LARP4B: variants seen among roughly 807,000 people sequenced by gnomAD.
The protein encoded by LARP4B is la-related protein 4B.
In LARP4B, 12 loss-of-function variants were observed where a neutral mutation model predicts 89.8. The observed-to-expected ratio is 0.13, with a 90% confidence interval of 0.09 to 0.22. The LOEUF (loss-of-function observed/expected upper bound fraction) is 0.22, where lower values mean the gene tolerates loss of function less well. Ranked by LOEUF, LARP4B falls within the 10% of genes least tolerant of loss-of-function variation. The pLI is 1.00. For missense variants in LARP4B, 757 were observed against 947.7 expected (o/e 0.80, Z 2.64); for synonymous variants, 367 against 363.3 (o/e 1.01, Z -0.12).
At chr10:853,407 G>A (rs1014186335) in intron 5 of LARP4B, among the ~76,000 whole-genome samples, 16 of 152,208 alleles carry the variant, frequency 1.1e-4, no homozygotes, top group Non-Finnish European at 2.4e-4. Context: ...TTGCTGGCTG[G>A]GCATGCTGGC....
At chr10:892,019 C>T (rs538830391) in intron 1 of LARP4B, among the ~76,000 whole-genome samples, 1 of 152,300 alleles carries the variant, frequency 6.6e-6, no homozygotes, top group East Asian at 1.9e-4. Context: ...CAACTATTGC[C>T]TCCCGGCATG....
At chr10:813,334 T>G in intron 17 of LARP4B, 121 bp from the exon 18 acceptor site, 2 of 976,028 alleles carry the variant, frequency 2.0e-6, no homozygotes, top group South Asian at 3.6e-5. Flanking sequence ...TCTTCACTAG[T>G]GTTTTTAACT....
intron 1 of LARP4B, among the ~76,000 whole-genome samples, chr10:912,026 C>G (rs1399301405): frequency 6.6e-6 from 1 of 152,172 alleles, no homozygotes; most frequent in Non-Finnish European, 1.5e-5. Context: ...ATGGGCTGGT[C>G]ACAGTGGGCT....
At chr10:923,609 T>C (rs1837049206) in intron 1 of LARP4B, among the ~76,000 whole-genome samples, 1 of 151,098 alleles carries the variant, frequency 6.6e-6, no homozygotes, top group Non-Finnish European at 1.5e-5. Flanking sequence ...GAAATACAAA[T>C]ATGTAATCAA....
At position 829,454 on chromosome 10, in the gene LARP4B, C is replaced by A; in HGVS notation, c.1056G>T (p.Gln352His). ...YFPPMYSPQQ[Q>H]FPLYSLITPQ... ...GAGTGATCAGGCTGTACAGGGGGAA[C>A]TGCTGCTGGGGGCTGTACATGGGAG... Residue 352 changes from glutamine to histidine, a missense_variant, in exon 11 of 18, where the codon CAG becomes CAT. Coordinates refer to ENST00000316157, the MANE Select transcript of LARP4B (RefSeq NM_015155.3). 6.2e-7 allele frequency: 1 copy of A among 1,614,132 alleles called. No homozygotes were observed. The highest frequency in any genetic ancestry group is 8.5e-7 in the Non-Finnish European group (1 of 1,180,020).
rs1833474368 is a variant in LARP4B, at chr10:840,564, G to A, written c.646+2368C>T. ...ACTCACTGTGTGTATATAACACAAC[G>A]TATTTATTCTGGTGACAAATATTTT... On this transcript the variant is annotated intron_variant, in intron 7 of 17. Coordinates refer to ENST00000316157, the MANE Select transcript of LARP4B (RefSeq NM_015155.3). Among the ~76,000 whole-genome samples, 3 of 152,172 alleles carry A rather than the reference G, an allele frequency of 2.0e-5. 1 individual carries two copies. The highest frequency in any genetic ancestry group is 4.1e-4 in the South Asian group (2 of 4,834).
chr10:968,248 T>C, the LARP4B span, among the ~76,000 whole-genome samples: 1 of 152,174 alleles, frequency 6.6e-6, no homozygotes, highest in Non-Finnish European at 1.5e-5. Context: ...GAGTGTGGCG[T>C]TGAGCTGATA....
the LARP4B span, among the ~76,000 whole-genome samples, chr10:962,321 GAATA>G: frequency 8.1e-6 from 1 of 124,212 alleles, no homozygotes; most frequent in African/African-American, 3.1e-5. Context: ...AAAAAAAAAA[GAATA>G]CCAATCCTTT....
intron 1 of LARP4B, among the ~76,000 whole-genome samples, chr10:905,688 CTG>C (rs1836471342): frequency 6.7e-6 from 1 of 149,890 alleles, no homozygotes; most frequent in African/African-American, 2.4e-5. Flanking sequence ...AAGGGAGGAG[CTG>C]AGGAGCAAGG....
At chr10:936,933 A>G in the LARP4B span, among the ~76,000 whole-genome samples, 8 of 152,260 alleles carry the variant, frequency 5.3e-5, no homozygotes, top group African/African-American at 1.9e-4. Context: ...GCTTTTACAG[A>G]TACTAAGAAA....
chr10:887,427 A>G (rs76641563), intron 1 of LARP4B, among the ~76,000 whole-genome samples: 5 of 151,374 alleles, frequency 3.3e-5, no homozygotes, highest in African/African-American at 1.2e-4. Flanking sequence ...AAAAAAAAAA[A>G]GGTCAGATGT....
At chr10:853,696 T>C (rs1341130294) in intron 5 of LARP4B, among the ~76,000 whole-genome samples, 1 of 152,168 alleles carries the variant, frequency 6.6e-6, no homozygotes, top group African/African-American at 2.4e-5. Context: ...AAAAAATAAA[T>C]AAAAAGAATC....
At chr10:926,809 G>A (rs1837149286) in intron 1 of LARP4B, among the ~76,000 whole-genome samples, 1 of 152,200 alleles carries the variant, frequency 6.6e-6, no homozygotes, top group African/African-American at 2.4e-5. Context: ...GGCCAAGGCA[G>A]ATGGGTCACT....
chr10:949,969 T>C, the LARP4B span, among the ~76,000 whole-genome samples: 1 of 152,188 alleles, frequency 6.6e-6, no homozygotes, highest in East Asian at 1.9e-4. Context: ...ATAGTTGAGG[T>C]TTTGCCATGT....
the LARP4B span, among the ~76,000 whole-genome samples, chr10:955,601 C>T: frequency 5.6e-4 from 86 of 152,238 alleles, no homozygotes; most frequent in African/African-American, 2.0e-3. This position sits in a 1 kb window ranked among gnomAD's most constrained non-coding sequence, Gnocchi z 5.2. Flanking sequence ...CCCCTCCACA[C>T]GTGTCTCCAC....
chr10:896,355 T>A (rs1365676332), intron 1 of LARP4B, among the ~76,000 whole-genome samples: 1 of 152,214 alleles, frequency 6.6e-6, no homozygotes, highest in Non-Finnish European at 1.5e-5. Context: ...TTCATTTATA[T>A]GAAATGACTA....
At chr10:868,755 G>C (rs898904399) in intron 3 of LARP4B, among the ~76,000 whole-genome samples, 4 of 152,182 alleles carry the variant, frequency 2.6e-5, no homozygotes, top group Non-Finnish European at 5.9e-5. Context: ...AAATAAAAGA[G>C]GTTGATGGAT....
intron 1 of LARP4B, among the ~76,000 whole-genome samples, chr10:920,982 G>A (rs1836961893): frequency 6.6e-6 from 1 of 151,968 alleles, no homozygotes; most frequent in Non-Finnish European, 1.5e-5. Flanking sequence ...ATTGAAAACT[G>A]GAAGTTAAGG....
At chr10:983,572 T>C in the LARP4B span, among the ~76,000 whole-genome samples, 5 of 152,142 alleles carry the variant, frequency 3.3e-5, no homozygotes, top group African/African-American at 1.2e-4. Flanking sequence ...GGTCTCTCCT[T>C]GGTGCAAGCA....
Sources: gnomAD v4.1 joint callset for allele counts (sites outside exome capture counted in the v4.1 genomes callset) on GRCh38, gnomAD v4.1.1 for gene constraint, Gnocchi (gnomAD v3.1) non-coding constraint, MANE v1.5 for transcripts, NCBI Gene and HGNC (gene_info 2026-07-23, HGNC 2026-07-21) for gene names.